Variants in RBFOX1 observed in about 807,000 individuals in gnomAD.
RBFOX1 encodes RNA binding fox-1 homolog 1.
A neutral mutation model predicts 57.7 loss-of-function variants in RBFOX1; 8 were observed. The observed-to-expected ratio is 0.14, with a 90% CI of 0.08 to 0.25. The LOEUF is 0.25. Ranked by LOEUF, RBFOX1 falls within the 10% of genes least tolerant of loss-of-function variation. The pLI, the probability that RBFOX1 is intolerant of heterozygous loss-of-function variation, is 1.00. For synonymous variants in RBFOX1, 326 were observed against 222.4 expected (o/e 1.47, Z -4.15); for missense variants, 611 against 548.5 (o/e 1.11, Z -1.14).
intron 2 of RBFOX1, among the ~76,000 whole-genome samples, chr16:6,387,974 ATT>A (rs61603572): frequency 5.9e-5 from 5 of 84,150 alleles, no homozygotes; most frequent in African/African-American, 5.4e-5. Context: ...TTTGTGGAAC[ATT>A]TTTTTTTTTT....
chr16:6,116,985 C>T (rs905463125), intron 1 of RBFOX1, among the ~76,000 whole-genome samples: 1 of 152,182 alleles, frequency 6.6e-6, no homozygotes, highest in Non-Finnish European at 1.5e-5. Flanking sequence ...GAAGTCCTTT[C>T]AAGAGCTAGA....
At chr16:7,526,256 C>A (rs1001056563) in intron 5 of RBFOX1, among the ~76,000 whole-genome samples, 9 of 152,168 alleles carry the variant, frequency 5.9e-5, no homozygotes, top group African/African-American at 1.9e-4. Context: ...AAAACTGGTA[C>A]CAAAAATTTT....
At chr16:5,633,852 TAA>T (rs71142635) in intron 3 of RBFOX1, among the ~76,000 whole-genome samples, 1 of 143,884 alleles carries the variant, frequency 7.0e-6, no homozygotes, top group Non-Finnish European at 1.5e-5. Flanking sequence ...GACTCCGTCT[TAA>T]AAAAAAAAAA....
At chr16:6,904,965 G>T (rs1276141587) in intron 3 of RBFOX1, among the ~76,000 whole-genome samples, 5 of 152,164 alleles carry the variant, frequency 3.3e-5, no homozygotes, top group Middle Eastern at 3.2e-3. Flanking sequence ...TGGGGATGAA[G>T]CCTCCCTGGC....
intron 4 of RBFOX1, among the ~76,000 whole-genome samples, chr16:7,382,947 C>A (rs186311407): frequency 2.0e-5 from 3 of 152,210 alleles, no homozygotes; most frequent in South Asian, 2.1e-4. Context: ...GTAAAGGGTT[C>A]CACATTGAAG....
At chr16:6,845,700 G>A (rs1040270115) in intron 3 of RBFOX1, among the ~76,000 whole-genome samples, 3 of 152,044 alleles carry the variant, frequency 2.0e-5, no homozygotes, top group African/African-American at 7.2e-5. Flanking sequence ...AACGTTCCAG[G>A]CCTTGCTTCT....
chr16:7,460,260 G>C (rs1007512113), intron 4 of RBFOX1, among the ~76,000 whole-genome samples: 1 of 150,938 alleles, frequency 6.6e-6, no homozygotes, highest in Admixed American at 6.6e-5. Flanking sequence ...AAATATCCCT[G>C]TTTAATTTTC....
chr16:6,659,330 A>G (rs975558433), intron 3 of RBFOX1, among the ~76,000 whole-genome samples: 2 of 151,586 alleles, frequency 1.3e-5, no homozygotes, highest in Non-Finnish European at 3.0e-5. Flanking sequence ...AATTGCATGA[A>G]AGGAGTTTGA....
chr16:6,600,848 A>G (rs2097844575), intron 2 of RBFOX1, among the ~76,000 whole-genome samples: 1 of 152,204 alleles, frequency 6.6e-6, no homozygotes, highest in Non-Finnish European at 1.5e-5. Context: ...AGAGGAACGT[A>G]AATGCTGCCC....
chr16:7,304,200 G>T, intron 4 of RBFOX1: 4 of 951,754 alleles, frequency 4.2e-6, no homozygotes, highest in Non-Finnish European at 4.9e-6. Flanking sequence ...GGGGGAGAGA[G>T]ACAGAGAGAG....
chr16:5,428,678 C>T (rs1414340487), intron 1 of RBFOX1, among the ~76,000 whole-genome samples: 1 of 152,068 alleles, frequency 6.6e-6, no homozygotes, highest in African/African-American at 2.4e-5. Context: ...TGAGGAGGAG[C>T]TGGCCAGTGG....
At chr16:6,713,819 T>C (rs2064202448) in intron 3 of RBFOX1, among the ~76,000 whole-genome samples, 2 of 152,204 alleles carry the variant, frequency 1.3e-5, no homozygotes, top group African/African-American at 4.8e-5. Context: ...TTTTTTAGAC[T>C]TCTCCCAGGT....
At chr16:5,624,066 C>A (rs1053016935) in intron 3 of RBFOX1, among the ~76,000 whole-genome samples, 1 of 152,282 alleles carries the variant, frequency 6.6e-6, no homozygotes, top group East Asian at 1.9e-4. Context: ...CCCCATTTTA[C>A]AGAAGAGCAA....
chr16:7,211,370 C>G (rs58816314), intron 4 of RBFOX1, among the ~76,000 whole-genome samples: 2 of 125,716 alleles, frequency 1.6e-5, no homozygotes, highest in Admixed American at 1.9e-4. Context: ...CCAGCCTGGG[C>G]GACAGAGTGA....
At chr16:5,957,735 A>G (rs1484879317) in intron 4 of RBFOX1, among the ~76,000 whole-genome samples, 2 of 152,176 alleles carry the variant, frequency 1.3e-5, no homozygotes, top group East Asian at 3.8e-4. Context: ...ATGTTTTGAT[A>G]CACGCATGCA....
chr16:6,887,192 C>T (rs543599758), intron 3 of RBFOX1, among the ~76,000 whole-genome samples: 2 of 152,286 alleles, frequency 1.3e-5, no homozygotes, highest in Admixed American at 6.5e-5. Context: ...AGCACTTCTT[C>T]CTCCTCTATC....
chr16:6,653,398 A>G (rs2098614605), intron 2 of RBFOX1, among the ~76,000 whole-genome samples: 1 of 152,196 alleles, frequency 6.6e-6, no homozygotes, highest in Non-Finnish European at 1.5e-5. Context: ...TGCCTAGTGC[A>G]AGGTCTAGCA....
intron 2 of RBFOX1, among the ~76,000 whole-genome samples, chr16:5,491,172 C>G (rs973132094): frequency 2.0e-5 from 3 of 152,020 alleles, no homozygotes; most frequent in Non-Finnish European, 4.4e-5. Flanking sequence ...ATGTAATAAA[C>G]ACACAAAAAA....
intron 1 of RBFOX1, among the ~76,000 whole-genome samples, chr16:6,220,441 T>C (rs2097365034): frequency 6.6e-6 from 1 of 152,226 alleles, no homozygotes; most frequent in South Asian, 2.1e-4. Context: ...GGAGGAATTA[T>C]ACTTGGTAAT....
Sources: allele counts gnomAD v4.1 joint callset (sites outside exome capture counted in the v4.1 genomes callset), GRCh38; gene constraint gnomAD v4.1.1; transcripts MANE v1.5; gene names NCBI Gene and HGNC (gene_info 2026-07-23, HGNC 2026-07-21).